ATXN7L1: variants seen among roughly 807,000 people sequenced by gnomAD.
The protein encoded by ATXN7L1 is ataxin-7-like protein 1.
ATXN7L1 carries 15 observed loss-of-function variants against 70.8 expected under a neutral mutation model. The ratio of observed to expected loss-of-function variants is 0.21; its 90% CI spans 0.14 to 0.33. The LOEUF is 0.33. ATXN7L1 is among the 10% of genes least tolerant of loss of function. The pLI, the probability that ATXN7L1 is intolerant of heterozygous loss-of-function variation, is 1.00. For synonymous variants in ATXN7L1, 440 were observed against 445.1 expected, an observed-to-expected ratio of 0.99 and a Z score of 0.14; for missense variants, 975 against 1,097.1, an observed-to-expected ratio of 0.89 and a Z score of 1.57.
intron 4 of ATXN7L1, among the ~76,000 whole-genome samples, chr7:105,647,615 C>T (rs926378607): frequency 6.6e-6 from 1 of 152,260 alleles, no homozygotes; most frequent in Non-Finnish European, 1.5e-5. Context: ...CCATTGCACT[C>T]CAGCTTGGCA....
intron 7 of ATXN7L1, among the ~76,000 whole-genome samples, chr7:105,624,487 T>TA (rs1180529364): frequency 1.3e-5 from 2 of 151,792 alleles, no homozygotes; most frequent in South Asian, 2.1e-4. Flanking sequence ...CCGTCTCTAC[T>TA]AAAATACAAA....
At chr7:105,870,282 A>G (rs1258723905) in intron 2 of ATXN7L1, among the ~76,000 whole-genome samples, 13 of 526 alleles carry the variant, frequency 0.025, no homozygotes, top group African/African-American at 0.16. Context: ...ACTCCATTTC[A>G]AAAAAAAAAA....
intron 3 of ATXN7L1, among the ~76,000 whole-genome samples, chr7:105,771,875 A>C (rs748616856): frequency 6.6e-6 from 1 of 152,102 alleles, no homozygotes; most frequent in Non-Finnish European, 1.5e-5. Context: ...CAGGGGGAAA[A>C]ATGGGGACAG....
intron 2 of ATXN7L1, among the ~76,000 whole-genome samples, chr7:105,858,394 AC>A (rs1340072077): frequency 6.6e-6 from 1 of 152,206 alleles, no homozygotes. Context: ...AAGAATGTCA[AC>A]CAATAAAAGC....
intron 3 of ATXN7L1, among the ~76,000 whole-genome samples, chr7:105,669,574 C>A (rs747689050): frequency 2.4e-4 from 36 of 152,082 alleles, no homozygotes; most frequent in Admixed American, 6.6e-4. Flanking sequence ...CTCTCACAAC[C>A]CTTGAGCTAT....
intron 2 of ATXN7L1, among the ~76,000 whole-genome samples, chr7:105,812,363 T>C (rs1014874808): frequency 6.6e-6 from 1 of 152,242 alleles, no homozygotes; most frequent in Non-Finnish European, 1.5e-5. Flanking sequence ...ACCTGTTCAG[T>C]TGATTTCCAA....
intron 3 of ATXN7L1, among the ~76,000 whole-genome samples, chr7:105,723,082 G>A (rs1382777536): frequency 1.3e-5 from 2 of 152,070 alleles, no homozygotes; most frequent in Non-Finnish European, 2.9e-5. Flanking sequence ...TTTAGGGAGT[G>A]TGGTTCTGGG....
chr7:105,614,065 G>C lies in ATXN7L1; in HGVS notation c.2269C>G (p.Leu757Val). ...ACAGCATTGTGTGAGGCCAGAGAGAGGTCCCCTGCGTGGAGCGCAAGGGAG... is the reference window on the plus strand; with the variant it reads ...ACAGCATTGTGTGAGGCCAGAGAGACGTCCCCTGCGTGGAGCGCAAGGGAG... ...VPSLALHAGD[L>V]SLASHNAVSS... is the part of the protein sequence containing the mutation. Residue 757 changes from leucine (L) to valine (V), a missense_variant, in exon 10 of 12, where the codon CTC (leucine) becomes GTC (valine). Leu to Val is a conservative substitution (Grantham distance 32). Transcript: ENST00000419735. This position sits in a 1 kb window ranked among gnomAD's most constrained non-coding sequence, Gnocchi z 4.3. 1 of 1,551,812 alleles carries C rather than the reference G, an allele frequency of 6.4e-7. No homozygotes were observed. Among genetic ancestry groups the C allele is most frequent in the East Asian group, 2.4e-5 (1 of 40,922 alleles).
At chr7:105,756,353 G>A (rs1253325149) in intron 3 of ATXN7L1, among the ~76,000 whole-genome samples, 1 of 152,118 alleles carries the variant, frequency 6.6e-6, no homozygotes, top group Non-Finnish European at 1.5e-5. Context: ...CACAATAGAG[G>A]TAATGAGACA....
intron 6 of ATXN7L1, 66 bp downstream of exon 6, chr7:105,639,421 G>A (rs948611106): frequency 2.3e-5 from 29 of 1,249,500 alleles, no homozygotes; most frequent in Admixed American, 4.0e-5. Flanking sequence ...GCAGAGAGTG[G>A]CATGCAAACA....
rs28366685 is a variant in ATXN7L1 at position 105,659,865 on chromosome 7, T to G, written c.578+5201A>C. Among the ~76,000 whole-genome samples, 607 of 151,748 alleles carry G rather than the reference T, an allele frequency of 4.0e-3. 5 individuals are homozygous for G. The highest frequency in any genetic ancestry group is 0.014 in the African/African-American group (580 of 41,388). On this transcript the variant is annotated intron_variant, in intron 4 of 11. Coordinates refer to ENST00000419735, the MANE Select transcript of ATXN7L1 (RefSeq NM_020725.2). ...CTGGTTCCAAACATTCAATGCCCAC[T>G]CACATTTCTTTTCTCTTTCTTTTTT...
intron 2 of ATXN7L1, among the ~76,000 whole-genome samples, chr7:105,800,964 A>C (rs1263215978): frequency 6.6e-6 from 1 of 152,244 alleles, no homozygotes; most frequent in Non-Finnish European, 1.5e-5. Flanking sequence ...TGTTTTGCTT[A>C]GAATGCAGGT....
At chr7:105,698,806 G>A (rs1792068541) in intron 3 of ATXN7L1, among the ~76,000 whole-genome samples, 1 of 152,208 alleles carries the variant, frequency 6.6e-6, no homozygotes, top group South Asian at 2.1e-4. Context: ...CCTGAGGGCA[G>A]GTTCTGAGTC....
chr7:105,664,957 C>A, intron 4 of ATXN7L1, 109 bp downstream of exon 4: 1 of 1,120,714 alleles, frequency 8.9e-7, no homozygotes, highest in Non-Finnish European at 1.3e-6. Flanking sequence ...CCCCCAAATT[C>A]CTGCATGTGA....
At chr7:105,654,483 G>A (rs746260714) in intron 4 of ATXN7L1, among the ~76,000 whole-genome samples, 15 of 152,358 alleles carry the variant, frequency 9.8e-5, no homozygotes, top group East Asian at 1.9e-4. Context: ...AGGCAACACC[G>A]AGGGTGGTGC....
chr7:105,628,454 C>T (rs781292994), intron 7 of ATXN7L1, among the ~76,000 whole-genome samples: 18 of 151,950 alleles, frequency 1.2e-4, no homozygotes, highest in Non-Finnish European at 2.1e-4. Flanking sequence ...TATTTTTCTT[C>T]GGTTTTACTG....
chr7:105,789,467 G>T (rs150629099), intron 2 of ATXN7L1, among the ~76,000 whole-genome samples: 1 of 152,178 alleles, frequency 6.6e-6, no homozygotes, highest in Non-Finnish European at 1.5e-5. Context: ...GGGAGTGTGC[G>T]GCAGGTGGCC....
chr7:105,780,417 A>C (rs1803356305), intron 3 of ATXN7L1, among the ~76,000 whole-genome samples: 1 of 152,204 alleles, frequency 6.6e-6, no homozygotes, highest in Non-Finnish European at 1.5e-5. Context: ...CACCATCAAC[A>C]TGAAAAACAG....
intron 4 of ATXN7L1, among the ~76,000 whole-genome samples, chr7:105,645,848 C>CG (rs1490061896): frequency 1.6e-5 from 2 of 128,382 alleles, no homozygotes; most frequent in East Asian, 4.5e-4. Flanking sequence ...AACAAACAAA[C>CG]AAACAGAAAT....
Sources: gnomAD v4.1 joint callset for allele counts (sites outside exome capture counted in the v4.1 genomes callset) on GRCh38, gnomAD v4.1.1 for gene constraint, Gnocchi (gnomAD v3.1) non-coding constraint, MANE v1.5 for transcripts, NCBI Gene and HGNC (gene_info 2026-07-23, HGNC 2026-07-21) for gene names.